Variants in MUC4 observed in about 807,000 individuals in gnomAD.
MUC4 encodes mucin-4.
MUC4 carries 202 observed loss-of-function variants against 257.9 expected under a neutral mutation model. The observed-to-expected ratio is 0.78, with a 90% CI of 0.70 to 0.88. MUC4 has a LOEUF of 0.88. Ranked by LOEUF, MUC4 falls within the 40% of genes least tolerant of loss-of-function variation. The probability of loss-of-function intolerance (pLI) is 0.00; values close to 1 mark genes in which losing one functional copy is unlikely to be tolerated. For synonymous variants in MUC4, 2,351 were observed against 2,757.1 expected (o/e 0.85, Z 4.62); for missense variants, 5,976 against 6,513.7 (o/e 0.92, Z 2.84).
chr3:195,774,225 A>G lies in MUC4; in HGVS notation c.13024T>C (p.Phe4342Leu). ...AGGGGGAAGCCAGTCGCCGGCTTGA[A>G]GAGTGGGGAGGTGAAGTCCACGGTC... ...RRTVDFTSPL[F>L]KPATGFPLGS... The change falls in exon 4 of 25, where the codon TTC becomes CTC. Residue 4342 changes from phenylalanine to leucine, a missense_variant. By Grantham distance (22) the Phe-to-Leu change is conservative. Transcript: ENST00000463781. 1 of 1,608,290 alleles carries G rather than the reference A, an allele frequency of 6.2e-7. No homozygotes were observed. The highest frequency in any genetic ancestry group is 8.5e-7 in the Non-Finnish European group (1 of 1,177,536).
At chr3:195,806,974 G>A (rs1012606472) in intron 1 of MUC4, among the ~76,000 whole-genome samples, 2 of 152,136 alleles carry the variant, frequency 1.3e-5, no homozygotes, top group African/African-American at 4.8e-5. Flanking sequence ...CAACCTGGGC[G>A]GGGCGGCATC....
At chr3:195,768,028 G>C (rs1721999401) in intron 7 of MUC4, among the ~76,000 whole-genome samples, 2 of 151,856 alleles carry the variant, frequency 1.3e-5, no homozygotes, top group South Asian at 4.2e-4. Flanking sequence ...AGGAAAGCCT[G>C]GAGCAGCCGC....
At chr3:195,798,202 T>C (rs1309424983) in intron 1 of MUC4, among the ~76,000 whole-genome samples, 4 of 152,270 alleles carry the variant, frequency 2.6e-5, no homozygotes, top group African/African-American at 4.8e-5. Context: ...GTGTTTATGA[T>C]GGTGACCAAA....
chr3:195,786,983 C>T lies in MUC4; in HGVS notation c.4597G>A (p.Asp1533Asn). 1.8e-6 allele frequency: 2 copies of T among 1,139,490 alleles called. No homozygotes were observed. The highest frequency in any genetic ancestry group is 2.2e-6 in the Non-Finnish European group (2 of 902,800). The allele number at this position is 1,139,490 out of a possible 1,614,324, so 70.6% of individuals were successfully genotyped here. ...VTSLSSASTGDTMPLPVTSPS... is the reference protein window; with the variant it reads ...VTSLSSASTGNTMPLPVTSPS... ...CTAGTGACAGGAAGAGGCATGGTGT[C>T]ACCTGTGGATGCTGAGGAAAGGCTG... is the stretch of plus-strand genomic sequence containing the variant. The change falls in exon 2 of 25, where the codon GAC (aspartate) becomes AAC (asparagine). Residue 1533 changes from aspartate (D) to asparagine (N), a missense_variant. Physicochemically the swap from Asp to Asn is conservative, Grantham distance 23. Around this residue, in one of 44 missense-constraint regions of MUC4, gnomAD observed 63 missense variants for 68.8 expected, o/e 0.92. Transcript: ENST00000463781.
chr3:195,758,135 G>A (rs962726709), intron 17 of MUC4, among the ~76,000 whole-genome samples: 3 of 152,228 alleles, frequency 2.0e-5, no homozygotes, highest in Admixed American at 6.5e-5. Context: ...CAGAATTAGT[G>A]CTGGCAACAG....
At chr3:195,763,736 A>T in intron 11 of MUC4, 95 bp from the exon 12 acceptor site, 1 of 1,266,920 alleles carries the variant, frequency 7.9e-7, no homozygotes, top group East Asian at 2.6e-5. Flanking sequence ...GTCCAGGAGG[A>T]CTCAGGGTGA....
At chr3:195,762,366 G>T (rs558088156) in intron 13 of MUC4, 112 bp from the exon 14 acceptor site, 1 of 1,208,740 alleles carries the variant, frequency 8.3e-7, no homozygotes, top group Non-Finnish European at 1.1e-6. Context: ...GGCTGAAGCC[G>T]GGAGGGGTCT....
At chr3:195,763,893 C>T (rs1055752143) in intron 11 of MUC4, 152 bp downstream of exon 11, 5 of 1,290,134 alleles carry the variant, frequency 3.9e-6, no homozygotes, top group Non-Finnish European at 5.2e-6. Context: ...TACAAAGCCC[C>T]TCCACTGACC....
In MUC4 at chr3:195,746,951, C is replaced by T. The variant is rs1372885209; in HGVS notation, c.*225G>A. 2.8e-5 allele frequency: 18 copies of T among 648,194 alleles called. No homozygotes were observed. The Middle Eastern group carries it at 1.2e-3, about 44-fold the overall frequency. 40.2% of individuals were successfully genotyped at this position (648,194 alleles called of 1,614,324 possible). ...TAGTGTCCTTCTGTGGGTGTGTCTG[C>T]GTGAGGACCCATCCATGCATGTTTG... On this transcript the variant is annotated 3_prime_UTR_variant, in exon 25 of 25. Coordinates refer to ENST00000463781, the MANE Select transcript of MUC4 (RefSeq NM_018406.7).
At chr3:195,761,251 T>A in intron 15 of MUC4, 134 bp from the exon 16 acceptor site, 2 of 838,020 alleles carry the variant, frequency 2.4e-6, no homozygotes, top group Non-Finnish European at 1.9e-6. Flanking sequence ...TTCCAGCTTC[T>A]GAGTCTAGAA....
intron 17 of MUC4, among the ~76,000 whole-genome samples, chr3:195,758,353 C>T (rs1718068632): frequency 1.3e-5 from 2 of 152,082 alleles, no homozygotes; most frequent in Non-Finnish European, 2.9e-5. Context: ...GCTAGGTAAA[C>T]ATGGTTGCCA....
rs529133645 is a variant in MUC4, at chr3:195,780,481, G to A, written c.11099C>T (p.Thr3700Ile). 8.8e-5 allele frequency: 134 copies of A among 1,529,808 alleles called. 1 individual carries two copies. In the African/African-American group the frequency reaches 2.0e-3, roughly 23 times the overall value. The allele number at this position is 1,529,808 out of a possible 1,614,324, so 94.8% of individuals were successfully genotyped here. ...ACCTGAGGATGATGAGGAAGGGATG[G>A]TGACAGGAAGAGGGGTGGCCTGACC... ...STGQATPLPVTIPSSSSSGHT... is the reference protein window; with the variant it reads ...STGQATPLPVIIPSSSSSGHT... Residue 3700 changes from threonine (T) to isoleucine (I), a missense_variant, in exon 2 of 25, where the codon ACC (threonine) becomes ATC (isoleucine). Coordinates refer to ENST00000463781, the MANE Select transcript of MUC4 (RefSeq NM_018406.7).
Position 195,748,953 on chromosome 3 carries a change from T to C in MUC4, c.15983A>G (p.Tyr5328Cys). 1 of 1,606,386 alleles carries C rather than the reference T, an allele frequency of 6.2e-7. No individual in the cohort carries two copies. The highest frequency in any genetic ancestry group is 8.5e-7 in the Non-Finnish European group (1 of 1,176,560). ...FTCVSPCSRG[Y>C]CDHGGQCQHL... ...CTGGCACTGGCCTCCATGGTCACAG[T>C]AGCCCCTACTGCACGGGGACACGCA... The change falls in exon 24 of 25, where the codon TAC (tyrosine) becomes TGC (cysteine). Residue 5328 changes from tyrosine to cysteine, a missense_variant. By Grantham distance (194) the Tyr-to-Cys change is radical. Transcript: ENST00000463781.
chr3:195,764,899 G>A, intron 10 of MUC4, 98 bp downstream of exon 10: 4 of 1,498,684 alleles, frequency 2.7e-6, no homozygotes, highest in Admixed American at 1.9e-5. Flanking sequence ...GAGGCCCAGA[G>A]AGGGGAAGGG....
chr3:195,789,427 C>T lies in MUC4; in HGVS notation c.2153G>A (p.Ser718Asn), dbSNP rs752974836. ...GGGCCCCAGGGTGGCATCATGGCTG[C>T]TGGGTGCTGCCTGCAGTGCTGTGGT... The part of the protein sequence containing the change: ...APTTALQAAP[S>N]SHDATLGPSG... The change falls in exon 2 of 25, where the codon AGC becomes AAC. Residue 718 changes from serine to asparagine, a missense_variant. Transcript: ENST00000463781. 1 of 1,613,966 alleles carries T rather than the reference C, an allele frequency of 6.2e-7. No homozygotes were observed. Among genetic ancestry groups the T allele is most frequent in the East Asian group, 2.2e-5 (1 of 44,876 alleles).
In MUC4 at chr3:195,785,486, G is replaced by T. The variant is rs572492418; in HGVS notation, c.6094C>A (p.Pro2032Thr). ...LSSASTGDTTPLPVTDTSSAS... is the reference protein window; with the variant it reads ...LSSASTGDTTTLPVTDTSSAS... ...GAGGAAGTATCGGTGACAGGAAGCG[G>T]CGTGGTGTCACCAGTGGATGCTGAG... is the stretch of plus-strand genomic sequence containing the variant. The change falls in exon 2 of 25, where the codon CCG becomes ACG. Residue 2032 changes from proline (P) to threonine (T), a missense_variant. Coordinates refer to ENST00000463781, the MANE Select transcript of MUC4 (RefSeq NM_018406.7). 2.0e-6 allele frequency: 3 copies of T among 1,514,224 alleles called. 1 individual carries two copies. The African/African-American group carries it at 4.4e-5, about 22-fold the overall frequency. The allele number at this position is 1,514,224 out of a possible 1,614,324, so 93.8% of individuals were successfully genotyped here.
At chr3:195,773,413 G>A (rs984669327) in intron 4 of MUC4, among the ~76,000 whole-genome samples, 1 of 150,352 alleles carries the variant, frequency 6.7e-6, no homozygotes, top group Non-Finnish European at 1.5e-5. Context: ...CCATCACTTA[G>A]GGGGTGGAAA....
At position 195,786,534 on chromosome 3, in the gene MUC4, A is replaced by G; in HGVS notation, c.5046T>C (p.Pro1682=). 2 of 1,523,654 alleles carry G rather than the reference A, an allele frequency of 1.3e-6. No homozygotes were observed. The highest frequency in any genetic ancestry group is 1.8e-6 in the Non-Finnish European group (2 of 1,130,150). The allele number at this position is 1,523,654 out of a possible 1,614,324, so 94.4% of individuals were successfully genotyped here. The change falls in exon 2 of 25, where the codon CCT becomes CCC. Residue 1682 remains proline (P), a synonymous_variant. Coordinates refer to ENST00000463781, the MANE Select transcript of MUC4 (RefSeq NM_018406.7). ...SASTGHATPL[P]VTGLSSATTD... is the part of the protein sequence containing the mutation. ...TGGTAGCTGAGGAAAGGCCGGTGAC[A>G]GGAAGAGGGGTGGCGTGACCGGTGG...
intron 14 of MUC4, among the ~76,000 whole-genome samples, chr3:195,761,803 C>T (rs1237489057): frequency 1.3e-5 from 2 of 152,036 alleles, no homozygotes; most frequent in Non-Finnish European, 2.9e-5. Flanking sequence ...TGGAGGAGGG[C>T]GGGAGGATGT....
Sources: gnomAD v4.1 joint callset for allele counts (sites outside exome capture counted in the v4.1 genomes callset) on GRCh38, gnomAD v4.1.1 for gene constraint, gnomAD v4.1.1 regional missense constraint, MANE v1.5 for transcripts, NCBI Gene and HGNC (gene_info 2026-07-23, HGNC 2026-07-21) for gene names.